Variants in GRIN3A observed in about 807,000 individuals in gnomAD.
GRIN3A encodes glutamate receptor ionotropic, NMDA 3A.
A neutral mutation model predicts 92.4 loss-of-function variants in GRIN3A; 47 were observed. That is an observed-to-expected ratio of 0.51 (90% confidence interval 0.40 to 0.65). The LOEUF is 0.65. GRIN3A is among the 30% of genes least tolerant of loss of function. The pLI is 0.00. For missense variants in GRIN3A, 1,324 were observed against 1,393.1 expected (o/e 0.95, Z 0.79); for synonymous variants, 527 against 540.6 (o/e 0.97, Z 0.35).
intron 2 of GRIN3A, among the ~76,000 whole-genome samples, chr9:101,673,185 G>C (rs11794720): frequency 0.41 from 61,910 of 151,842 alleles, 13,035 homozygotes; most frequent in Non-Finnish European, 0.46. Context: ...CCTTGAGAGA[G>C]TACCTTTGAC....
chr9:101,668,829 T>A (rs947604499), intron 3 of GRIN3A, among the ~76,000 whole-genome samples: 1 of 152,162 alleles, frequency 6.6e-6, no homozygotes, highest in African/African-American at 2.4e-5. Context: ...GAAAAATCTT[T>A]AAAGCTGCCA....
intron 8 of GRIN3A, among the ~76,000 whole-genome samples, chr9:101,574,636 T>C (rs1449896381): frequency 1.3e-5 from 2 of 152,228 alleles, no homozygotes; most frequent in Non-Finnish European, 1.5e-5. Flanking sequence ...TCTCCTTTCA[T>C]TTATGCCCTC....
At chr9:101,726,129 GA>G (rs1830079809) in intron 1 of GRIN3A, among the ~76,000 whole-genome samples, 1 of 152,150 alleles carries the variant, frequency 6.6e-6, no homozygotes, top group Admixed American at 6.5e-5. Context: ...TTTCTGATTG[GA>G]TTAAGGGAGG....
At chr9:101,685,222 A>G (rs1247530601) in intron 2 of GRIN3A, among the ~76,000 whole-genome samples, 2 of 151,428 alleles carry the variant, frequency 1.3e-5, no homozygotes, top group African/African-American at 4.8e-5. Flanking sequence ...ATTGCCTTGT[A>G]CATAGTAGGT....
Position 101,625,290 on chromosome 9 carries a change from C to T in GRIN3A, c.2499-1857G>A, listed in dbSNP as rs535367378. On this transcript the variant is annotated intron_variant, in intron 4 of 8. Transcript: ENST00000361820. ...ATAACTCTTTTCTATCCCTTCTGGG[C>T]TCAGTCCTTCCTCTCTTAGATCCAG... 9.8e-5 allele frequency among the ~76,000 whole-genome samples: 15 copies of T among 152,298 alleles called. No homozygotes were observed. In the South Asian group the frequency reaches 3.1e-3, roughly 32 times the overall value.
chr9:101,602,701 C>T (rs1828227467), intron 6 of GRIN3A, among the ~76,000 whole-genome samples: 1 of 152,222 alleles, frequency 6.6e-6, no homozygotes, highest in Non-Finnish European at 1.5e-5. Flanking sequence ...AGCGGGGACT[C>T]TTATTCCGAG....
chr9:101,686,893 C>T lies in GRIN3A; in HGVS notation c.1007G>A (p.Arg336Gln), dbSNP rs763495503. The change falls in exon 2 of 9, where the codon CGG becomes CAG. Residue 336 changes from arginine (R) to glutamine (Q), a missense_variant. Coordinates refer to ENST00000361820, the MANE Select transcript of GRIN3A (RefSeq NM_133445.3). ...VMFGCDMESI[R>Q]RIFEITTQFG... ...CTGGGTTGTAATTTCGAAAATCCGC[C>T]GGATACTTTCCATGTCGCAGCCAAA... is the stretch of plus-strand genomic sequence containing the variant. 3.0e-5 allele frequency: 48 copies of T among 1,614,084 alleles called. No homozygotes were observed. The East Asian group carries it at 3.1e-4, about 10-fold the overall frequency.
chr9:101,656,753 A>G (rs532784652), intron 3 of GRIN3A, among the ~76,000 whole-genome samples: 8 of 152,008 alleles, frequency 5.3e-5, no homozygotes, highest in African/African-American at 1.9e-4. Flanking sequence ...ATTCTCCCTA[A>G]GATAGAACAG....
chr9:101,738,087 A>C lies in GRIN3A; in HGVS notation c.-108T>G. Reference sequence around the variant, plus strand: ...CAGGTCCCGCGCGCAGCTTCACTCCACTCGGTGAAGCGGTCCCAGGAGCTG... The same window carrying C: ...CAGGTCCCGCGCGCAGCTTCACTCCCCTCGGTGAAGCGGTCCCAGGAGCTG... On this transcript the variant is annotated 5_prime_UTR_variant, in exon 1 of 9. Coordinates refer to ENST00000361820, the MANE Select transcript of GRIN3A (RefSeq NM_133445.3). The C allele has an allele frequency of 2.1e-6, 2 of 939,194 alleles. No individual in the cohort carries two copies. Among genetic ancestry groups the C allele is most frequent in the Non-Finnish European group, 3.3e-6 (2 of 604,030 alleles). The allele number at this position is 939,194 out of a possible 1,614,324, so 58.2% of individuals were successfully genotyped here.
chr9:101,670,135 T>G lies in GRIN3A; in HGVS notation c.2277A>C (p.Thr759=), dbSNP rs373863665. 1.1e-5 allele frequency: 17 copies of G among 1,613,672 alleles called. No homozygotes were observed. The East Asian group carries it at 1.3e-4, about 13-fold the overall frequency. Residue 759 remains threonine, a synonymous_variant, in exon 3 of 9, where the codon ACA becomes ACC. Transcript: ENST00000361820. ...WAIFCMFCLS[T]YTANLAAVMV... is the part of the protein sequence containing the mutation. ...TGACAGCAGCCAAGTTTGCCGTGTATGTGGAAAGGCAAAACATACAGAAAA... is the reference window on the plus strand; with the variant it reads ...TGACAGCAGCCAAGTTTGCCGTGTAGGTGGAAAGGCAAAACATACAGAAAA...
intron 5 of GRIN3A, among the ~76,000 whole-genome samples, chr9:101,622,532 A>T (rs10760797): frequency 0.58 from 87,599 of 151,992 alleles, 25,366 homozygotes; most frequent in East Asian, 0.68. Context: ...ATTGATTGGG[A>T]GATCACATTA....
At chr9:101,656,317 T>C (rs1190380071) in intron 3 of GRIN3A, among the ~76,000 whole-genome samples, 2 of 151,952 alleles carry the variant, frequency 1.3e-5, no homozygotes, top group Non-Finnish European at 2.9e-5. Context: ...GCTAAAATTG[T>C]AGCTGGCAAG....
At chr9:101,679,207 G>C (rs1167531998) in intron 2 of GRIN3A, among the ~76,000 whole-genome samples, 2 of 152,150 alleles carry the variant, frequency 1.3e-5, no homozygotes, top group African/African-American at 2.4e-5. Flanking sequence ...AATCAGAGTA[G>C]AGCTTCAGTA....
At chr9:101,716,762 G>A (rs1447737387) in intron 1 of GRIN3A, among the ~76,000 whole-genome samples, 2 of 152,188 alleles carry the variant, frequency 1.3e-5, no homozygotes, top group Non-Finnish European at 2.9e-5. Flanking sequence ...AGTCCAGAAG[G>A]TGTTGAACTG....
At chr9:101,633,127 G>A (rs1394410533) in intron 3 of GRIN3A, among the ~76,000 whole-genome samples, 2 of 152,062 alleles carry the variant, frequency 1.3e-5, no homozygotes, top group African/African-American at 4.8e-5. Context: ...AGGCGAACTC[G>A]GGAAATAATC....
intron 6 of GRIN3A, among the ~76,000 whole-genome samples, chr9:101,611,264 G>A (rs1041409276): frequency 2.0e-5 from 3 of 152,088 alleles, no homozygotes; most frequent in Non-Finnish European, 4.4e-5. Context: ...GAGGATTGCT[G>A]GCAATCTTTA....
chr9:101,656,752 A>T (rs1016057164), intron 3 of GRIN3A, among the ~76,000 whole-genome samples: 3 of 151,886 alleles, frequency 2.0e-5, no homozygotes, highest in Non-Finnish European at 4.4e-5. Context: ...AATTCTCCCT[A>T]AGATAGAACA....
intron 1 of GRIN3A, among the ~76,000 whole-genome samples, chr9:101,721,488 C>T (rs1733617700): frequency 6.6e-6 from 1 of 152,082 alleles, no homozygotes; most frequent in Non-Finnish European, 1.5e-5. Flanking sequence ...GTGGAAGCGA[C>T]TTTGGAACTG....
chr9:101,719,234 T>C (rs1032087642), intron 1 of GRIN3A, among the ~76,000 whole-genome samples: 1 of 152,012 alleles, frequency 6.6e-6, no homozygotes, highest in Non-Finnish European at 1.5e-5. Flanking sequence ...CTGGCCAACA[T>C]AGTCAAACCC....
Sources: allele counts gnomAD v4.1 joint callset (sites outside exome capture counted in the v4.1 genomes callset), GRCh38; gene constraint gnomAD v4.1.1; transcripts MANE v1.5; gene names NCBI Gene and HGNC (gene_info 2026-07-23, HGNC 2026-07-21).